The following LARP4 variants were observed in gnomAD, a reference collection of about 807,000 sequenced individuals.
LARP4 encodes the protein La ribonucleoprotein 4, also known as la-related protein 4.
Under a neutral mutation model 92.9 loss-of-function variants are expected in LARP4, and 29 were observed. The observed-to-expected ratio is 0.31, with a 90% CI of 0.23 to 0.43. LARP4 has a LOEUF of 0.43. Among genes scored for constraint, LARP4 ranks in the 20% least tolerant of loss-of-function variants. The probability of loss-of-function intolerance (pLI) is 1.00; values close to 1 mark genes in which losing one functional copy is unlikely to be tolerated. For synonymous variants in LARP4, 279 were observed against 284.1 expected (o/e 0.98, Z 0.18); for missense variants, 732 against 860.0 (o/e 0.85, Z 1.86).
intron 1 of LARP4, 65 bp downstream of exon 1, chr12:50,401,093 T>G (rs1592658521): frequency 1.9e-6 from 3 of 1,577,308 alleles, no homozygotes; most frequent in Non-Finnish European, 2.6e-6. Context: ...CGCCGGCCGG[T>G]CCCACCGCCA....
In LARP4 at chr12:50,408,540, A is replaced by G. The variant is rs117994349; in HGVS notation, c.18+7512A>G. ...AGGGTAGAAAAGTCTGCAGTAATGC[A>G]GGGTAGAAAAGTCTGCAGTAATGCA... On this transcript the variant is annotated intron_variant, in intron 1 of 15. Transcript: ENST00000398473. 3.1e-3 allele frequency among the ~76,000 whole-genome samples: 474 copies of G among 152,258 alleles called. 9 individuals carry two copies. The East Asian group carries it at 0.055, about 18-fold the overall frequency.
intron 8 of LARP4, among the ~76,000 whole-genome samples, chr12:50,446,089 G>A (rs190844051): frequency 0.011 from 1,555 of 145,652 alleles, 16 homozygotes; most frequent in Non-Finnish European, 0.014. Context: ...TGCAAGCTCC[G>A]CCTGCTGGGT....
Position 50,462,565 on chromosome 12 carries a change from C to CAATT in LARP4, c.1335-17_1335-16insAATT. 1 of 1,500,210 alleles carries CAATT rather than the reference C, an allele frequency of 6.7e-7. No homozygotes were observed. Among genetic ancestry groups the CAATT allele is most frequent in the Non-Finnish European group, 9.2e-7 (1 of 1,091,516 alleles). The allele number at this position is 1,500,210 out of a possible 1,614,324, so 92.9% of individuals were successfully genotyped here. A position where few individuals can be genotyped will look rare whatever the true frequency, so the allele number is the denominator to read the frequency against. On this transcript the variant is annotated splice_polypyrimidine_tract_variant and intron_variant, in intron 11 of 15. Transcript: ENST00000398473. Reference sequence around the variant, plus strand: ...TCCCTCCACCCCACCCCACCCCCACCTTTTTCTTATTAAAAGGAGAACTCT... The same window carrying CAATT: ...TCCCTCCACCCCACCCCACCCCCACCAATTTTTTTCTTATTAAAAGGAGAACTCT...
intron 1 of LARP4, among the ~76,000 whole-genome samples, chr12:50,406,463 AGAGT>A (rs1444411217): frequency 6.6e-6 from 1 of 152,098 alleles, no homozygotes; most frequent in Non-Finnish European, 1.5e-5. Context: ...CCTGGATGAC[AGAGT>A]GAGACCCTGC....
intron 6 of LARP4, among the ~76,000 whole-genome samples, chr12:50,439,544 G>C (rs1462601681): frequency 6.6e-6 from 1 of 151,812 alleles, no homozygotes; most frequent in Non-Finnish European, 1.5e-5. Context: ...CTGTGACTAC[G>C]GGAGCCAGCC....
chr12:50,437,237 T>A (rs547699543), intron 5 of LARP4, among the ~76,000 whole-genome samples: 3 of 152,322 alleles, frequency 2.0e-5, no homozygotes, highest in East Asian at 3.9e-4. Flanking sequence ...CAAGATTAAG[T>A]AAGTTGAAAT....
In LARP4 at chr12:50,430,536, T is replaced by C; in HGVS notation, c.364T>C (p.Cys122Arg). ...AGTTTCTACAGAAGACCTAAAAGAA[T>C]GTCTGAAGAAACAATTAGAATTCTG... ...SAVSTEDLKE[C>R]LKKQLEFCFS... The change falls in exon 4 of 16, where the codon TGT becomes CGT. Residue 122 changes from cysteine to arginine, a missense_variant. Cys to Arg is a radical substitution (Grantham distance 180, BLOSUM62 -3). This residue lies in a region of LARP4 where 236 missense variants were observed against 307.6 expected (regional missense o/e 0.77). Coordinates refer to ENST00000398473, the MANE Select transcript of LARP4 (RefSeq NM_052879.5). 1 of 1,607,908 alleles carries C rather than the reference T, an allele frequency of 6.2e-7. No homozygotes were observed. The highest frequency in any genetic ancestry group is 2.2e-5 in the East Asian group (1 of 44,772).
At chr12:50,436,051 C>CTGTGTGTGTG (rs57676021) in intron 5 of LARP4, among the ~76,000 whole-genome samples, 1 of 137,688 alleles carries the variant, frequency 7.3e-6, no homozygotes, top group African/African-American at 2.9e-5. Context: ...TTTACTGACT[C>CTGTGTGTGTG]TGTGTGTGTG....
At chr12:50,404,946 C>T (rs1209050096) in intron 1 of LARP4, among the ~76,000 whole-genome samples, 1 of 151,672 alleles carries the variant, frequency 6.6e-6, no homozygotes, top group Admixed American at 6.6e-5. Flanking sequence ...CCTCGGGCTC[C>T]CAAAGTGTTG....
chr12:50,462,737 T>C lies in LARP4; in HGVS notation c.1383+107T>C, dbSNP rs1312810315. 5.2e-6 allele frequency: 4 copies of C among 772,814 alleles called. No individual in the cohort carries two copies. In the African/African-American group the frequency reaches 7.1e-5, roughly 14 times the overall value. The allele number at this position is 772,814 out of a possible 1,614,324, so 47.9% of individuals were successfully genotyped here. Reference sequence around the variant, plus strand: ...GGTTTTTGTTTTATTGATTGTAGTCTTCAGCAAAGGTAAATAGAGCCTAAA... The same window carrying C: ...GGTTTTTGTTTTATTGATTGTAGTCCTCAGCAAAGGTAAATAGAGCCTAAA... On this transcript the variant is annotated intron_variant, in intron 12 of 15. Transcript: ENST00000398473.
At chr12:50,463,998 T>C (rs1312310745) in intron 12 of LARP4, among the ~76,000 whole-genome samples, 1 of 152,172 alleles carries the variant, frequency 6.6e-6, no homozygotes, top group African/African-American at 2.4e-5. Context: ...AAAGCCAGTC[T>C]AGGAAGTTCG....
intron 1 of LARP4, chr12:50,402,837 C>T (rs1398082518): frequency 2.2e-6 from 1 of 453,944 alleles, no homozygotes; most frequent in Non-Finnish European, 4.4e-6. Flanking sequence ...TATCGTATCT[C>T]TCGCCAAACT....
chr12:50,450,140 G>A (rs1022065455), intron 8 of LARP4, among the ~76,000 whole-genome samples: 9 of 151,806 alleles, frequency 5.9e-5, no homozygotes, highest in East Asian at 3.9e-4. Flanking sequence ...TCACCATGTT[G>A]GCCAGGATGG....
intron 6 of LARP4, among the ~76,000 whole-genome samples, chr12:50,439,478 T>C (rs945839032): frequency 4.6e-5 from 7 of 152,116 alleles, no homozygotes; most frequent in African/African-American, 1.7e-4. Context: ...TCATAGTTCA[T>C]TGCAGCCTCA....
chr12:50,442,162 A>C (rs1228519639), intron 8 of LARP4, among the ~76,000 whole-genome samples: 1 of 152,248 alleles, frequency 6.6e-6, no homozygotes, highest in Non-Finnish European at 1.5e-5. Context: ...GGGTAACTTC[A>C]AATAGCATGA....
At chr12:50,411,188 T>A (rs916204684) in intron 1 of LARP4, among the ~76,000 whole-genome samples, 5 of 113,048 alleles carry the variant, frequency 4.4e-5, no homozygotes, top group Non-Finnish European at 8.2e-5. Context: ...TAGTTGATTC[T>A]TTTTTTTTTT....
In LARP4 at chr12:50,430,549, A is replaced by G; in HGVS notation, c.377A>G (p.Gln126Arg). Residue 126 changes from glutamine to arginine, a missense_variant, in exon 4 of 16, where the codon CAA becomes CGA. Around this residue, in one of 7 missense-constraint regions of LARP4, gnomAD observed 236 missense variants for 307.6 expected, o/e 0.77. Coordinates refer to ENST00000398473, the MANE Select transcript of LARP4 (RefSeq NM_052879.5). ...TEDLKECLKK[Q>R]LEFCFSRENL... ...GACCTAAAAGAATGTCTGAAGAAAC[A>G]ATTAGAATTCTGTTTTTCACGGTAT... 1 of 1,604,854 alleles carries G rather than the reference A, an allele frequency of 6.2e-7. No homozygotes were observed. The highest frequency in any genetic ancestry group is 8.5e-7 in the Non-Finnish European group (1 of 1,172,988).
rs1957714631 is a variant in LARP4 at position 50,479,024 on chromosome 12, G to T, written c.*3160G>T. 1 of 152,494 alleles carries T rather than the reference G, an allele frequency of 6.6e-6. No homozygotes were observed. The highest frequency in any genetic ancestry group is 6.5e-5 in the Admixed American group (1 of 15,268). The allele number at this position is 152,494 out of a possible 1,614,324, so 9.4% of individuals were successfully genotyped here. A position where few individuals can be genotyped will look rare whatever the true frequency, so the allele number is the denominator to read the frequency against. ...TCCTTTTTCTTTTTTAAATAAACAG[G>T]TTTGCTTTGGAAAGGCTTAATGATG... On this transcript the variant is annotated 3_prime_UTR_variant, in exon 16 of 16. Coordinates refer to ENST00000398473, the MANE Select transcript of LARP4 (RefSeq NM_052879.5).
At chr12:50,457,106 G>C (rs1011370006) in intron 10 of LARP4, among the ~76,000 whole-genome samples, 7 of 150,944 alleles carry the variant, frequency 4.6e-5, no homozygotes, top group African/African-American at 1.7e-4. Flanking sequence ...GTTTCATCAT[G>C]TTGGCCAGGA....
Sources: gnomAD v4.1 joint callset for allele counts (sites outside exome capture counted in the v4.1 genomes callset) on GRCh38, gnomAD v4.1.1 for gene constraint, gnomAD v4.1.1 regional missense constraint, MANE v1.5 for transcripts, NCBI Gene and HGNC (gene_info 2026-07-23, HGNC 2026-07-21) for gene names.